Variants in ENTREP2 observed in about 807,000 individuals in gnomAD.
The protein encoded by ENTREP2 is endosomal transmembrane epsin interactor 2.
chr15:29,200,021 G>A, the ENTREP2 span, among the ~76,000 whole-genome samples: 16 of 151,988 alleles, frequency 1.1e-4, no homozygotes, highest in African/African-American at 2.9e-4. Flanking sequence ...AAAATTAGTC[G>A]GGCATATTTG....
the ENTREP2 span, among the ~76,000 whole-genome samples, chr15:29,435,910 T>A: frequency 6.6e-6 from 1 of 152,206 alleles, no homozygotes; most frequent in Middle Eastern, 3.4e-3. Context: ...ATGCTATTTT[T>A]ATGAAACATG....
chr15:29,478,106 G>A, the ENTREP2 span, among the ~76,000 whole-genome samples: 1 of 136,512 alleles, frequency 7.3e-6, no homozygotes, highest in Non-Finnish European at 1.5e-5. Context: ...CTCACTGCAA[G>A]CTCCGCCTCC....
the ENTREP2 span, among the ~76,000 whole-genome samples, chr15:29,126,038 C>T: frequency 2.0e-5 from 3 of 152,150 alleles, no homozygotes; most frequent in African/African-American, 4.8e-5. Context: ...CCCCGGGCCC[C>T]TTGAATCCTT....
the ENTREP2 span, among the ~76,000 whole-genome samples, chr15:29,542,740 T>C: frequency 6.6e-6 from 1 of 152,220 alleles, no homozygotes; most frequent in African/African-American, 2.4e-5. Flanking sequence ...ACTGCTCCCC[T>C]GCTGTCCCTG....
At chr15:29,191,531 C>T in the ENTREP2 span, among the ~76,000 whole-genome samples, 58,591 of 151,532 alleles carry the variant, frequency 0.39, 11,559 homozygotes, top group East Asian at 0.55. Flanking sequence ...CAGAAGGAGC[C>T]GAGGAGGGAG....
chr15:29,287,400 A>AAAG, the ENTREP2 span, among the ~76,000 whole-genome samples: 4 of 91,448 alleles, frequency 4.4e-5, no homozygotes, highest in Admixed American at 1.2e-4. Flanking sequence ...AAAAAAAAGA[A>AAAG]AAAAAAAAAA....
the ENTREP2 span, among the ~76,000 whole-genome samples, chr15:29,363,865 C>T: frequency 6.6e-6 from 1 of 152,126 alleles, no homozygotes. Flanking sequence ...ACCACCACTC[C>T]GGGGACAGCA....
chr15:29,349,872 C>T, the ENTREP2 span, among the ~76,000 whole-genome samples: 2 of 151,824 alleles, frequency 1.3e-5, no homozygotes, highest in African/African-American at 2.4e-5. Context: ...TGCACTCCAG[C>T]GTGGGTGACA....
chr15:29,257,043 A>ATTAT, the ENTREP2 span, among the ~76,000 whole-genome samples: 4,320 of 141,190 alleles, frequency 0.031, 72 homozygotes, highest in Middle Eastern at 0.043. Flanking sequence ...TTATTTTTTT[A>ATTAT]TTATTTATTT....
the ENTREP2 span, among the ~76,000 whole-genome samples, chr15:29,224,362 C>CA: frequency 3.3e-5 from 5 of 152,274 alleles, no homozygotes; most frequent in Non-Finnish European, 7.4e-5. Context: ...ATTGAAAGAA[C>CA]AAAGCTTCCA....
At chr15:29,625,658 G>T in the ENTREP2 span, among the ~76,000 whole-genome samples, 4 of 151,338 alleles carry the variant, frequency 2.6e-5, no homozygotes, top group Non-Finnish European at 4.4e-5. Flanking sequence ...GCCTCCCAAA[G>T]TGCTGGGATT....
At chr15:29,239,039 G>GA in the ENTREP2 span, among the ~76,000 whole-genome samples, 3 of 151,586 alleles carry the variant, frequency 2.0e-5, no homozygotes, top group African/African-American at 7.3e-5. Context: ...TTTGTTTTTT[G>GA]AAAAAAATCT....
the ENTREP2 span, chr15:29,196,436 G>T: frequency 6.4e-7 from 1 of 1,551,192 alleles, no homozygotes; most frequent in Non-Finnish European, 8.7e-7. Flanking sequence ...TCACCTTCAA[G>T]GTCAGCCTCA....
the ENTREP2 span, among the ~76,000 whole-genome samples, chr15:29,495,843 G>T: frequency 6.6e-6 from 1 of 152,064 alleles, no homozygotes; most frequent in Non-Finnish European, 1.5e-5. Context: ...CAGGAGATGT[G>T]ATGACTTCAG....
At chr15:29,444,166 CAGACAAAGAAAGAAAGAAAGAA>C in the ENTREP2 span, among the ~76,000 whole-genome samples, 2 of 53,292 alleles carry the variant, frequency 3.8e-5, no homozygotes, top group Non-Finnish European at 8.8e-5. Flanking sequence ...GAAAGAAAGA[CAGACAAAGAAAGAAAGAAAGAA>C]AGAAAGAAAG....
the ENTREP2 span, among the ~76,000 whole-genome samples, chr15:29,451,834 G>A: frequency 5.6e-4 from 86 of 152,326 alleles, no homozygotes; most frequent in African/African-American, 1.9e-3. Context: ...GGCAACGCTC[G>A]GGGCAAAGCC....
chr15:29,666,330 C>T, the ENTREP2 span, among the ~76,000 whole-genome samples: 2 of 152,084 alleles, frequency 1.3e-5, no homozygotes, highest in South Asian at 2.1e-4. Context: ...GACTTGACTC[C>T]GCTCATGCTC....
chr15:29,241,106 G>T, the ENTREP2 span, among the ~76,000 whole-genome samples: 8 of 152,258 alleles, frequency 5.3e-5, 1 homozygote, highest in South Asian at 1.7e-3. Context: ...TCATAATGAA[G>T]ATTTTGTTTG....
At chr15:29,136,802 G>C in the ENTREP2 span, among the ~76,000 whole-genome samples, 1 of 152,068 alleles carries the variant, frequency 6.6e-6, no homozygotes, top group African/African-American at 2.4e-5. Flanking sequence ...CAACGTGACC[G>C]CAGCTTTGCA....
Sources: gnomAD v4.1 joint callset for allele counts (sites outside exome capture counted in the v4.1 genomes callset) on GRCh38, gnomAD v4.1.1 for gene constraint, MANE v1.5 for transcripts, NCBI Gene and HGNC (gene_info 2026-07-23, HGNC 2026-07-21) for gene names.